Variants in ISM1 observed in about 807,000 individuals in gnomAD.
The protein encoded by ISM1 is isthmin-1.
In ISM1, 25 loss-of-function variants were observed where a neutral mutation model predicts 46.3. The ratio of observed to expected loss-of-function variants is 0.54; its 90% CI spans 0.39 to 0.75. The LOEUF (loss-of-function observed/expected upper bound fraction) is 0.75. ISM1 is among the 30% of genes least tolerant of loss of function. ISM1 has a pLI of 0.00. For missense variants in ISM1, 536 were observed against 625.4 expected, an observed-to-expected ratio of 0.86 and a Z score of 1.52; for synonymous variants, 255 against 256.7, an observed-to-expected ratio of 0.99 and a Z score of 0.06.
At chr20:13,276,102 G>T (rs530152168) in intron 2 of ISM1, among the ~76,000 whole-genome samples, 3 of 152,222 alleles carry the variant, frequency 2.0e-5, no homozygotes, top group Non-Finnish European at 4.4e-5. Flanking sequence ...GGAAGAAGGG[G>T]TAGAATAATC....
chr20:13,284,704 A>T (rs925107811), intron 3 of ISM1, among the ~76,000 whole-genome samples: 11 of 152,122 alleles, frequency 7.2e-5, no homozygotes, highest in African/African-American at 2.4e-5. Flanking sequence ...GCTTCAGGGG[A>T]GTGAGCTCAC....
At chr20:13,296,761 T>G (rs949528878) in intron 5 of ISM1, among the ~76,000 whole-genome samples, 1 of 152,184 alleles carries the variant, frequency 6.6e-6, no homozygotes, top group Admixed American at 6.5e-5. Context: ...GGCTTACACC[T>G]GTAATCCCAG....
chr20:13,307,694 G>A, the ISM1 span, among the ~76,000 whole-genome samples: 2 of 152,178 alleles, frequency 1.3e-5, no homozygotes, highest in Admixed American at 6.5e-5. Flanking sequence ...TACAGCACCC[G>A]CTCTGTGAGG....
intron 1 of ISM1, among the ~76,000 whole-genome samples, chr20:13,266,295 A>G (rs761310015): frequency 4.6e-5 from 7 of 152,222 alleles, no homozygotes; most frequent in Non-Finnish European, 7.3e-5. Flanking sequence ...AGAAGAGGAT[A>G]TTTTTATTAC....
At chr20:13,244,024 G>A (rs372195843) in intron 1 of ISM1, 2 of 152,196 alleles carry the variant, frequency 1.3e-5, no homozygotes, top group East Asian at 3.8e-4. Flanking sequence ...CTCCAGTGTA[G>A]GCACTGGTGA....
chr20:13,326,343 C>A, the ISM1 span, among the ~76,000 whole-genome samples: 2 of 151,998 alleles, frequency 1.3e-5, no homozygotes, highest in Non-Finnish European at 2.9e-5. Flanking sequence ...GGAGTGGGAC[C>A]GTTGGGTCAT....
At chr20:13,323,626 C>T in the ISM1 span, among the ~76,000 whole-genome samples, 1 of 152,190 alleles carries the variant, frequency 6.6e-6, no homozygotes, top group Non-Finnish European at 1.5e-5. Flanking sequence ...TACCATACGA[C>T]TATAATTCTC....
downstream of ISM1, among the ~76,000 whole-genome samples, chr20:13,301,816 G>C (rs1488672995): frequency 1.3e-5 from 2 of 152,048 alleles, no homozygotes; most frequent in Non-Finnish European, 2.9e-5. Flanking sequence ...AGCTCAACTG[G>C]GTGATCAGGA....
In ISM1 at chr20:13,223,162, AAAAATAAAAT is replaced by A. The variant is rs1275238008; in HGVS notation, c.138+1272_138+1281del. Among the ~76,000 whole-genome samples, 1,065 of 146,060 alleles carry A rather than the reference AAAAATAAAAT, an allele frequency of 7.3e-3. 10 individuals carry two copies. The highest frequency in any genetic ancestry group is 8.8e-3 in the Non-Finnish European group (589 of 66,980). The stretch of plus-strand genomic sequence containing the variant: ...ACAGAGCGAGACTCCGTCTCAAAAA[AAAAATAAAAT>A]AAAATAAAATAAAATAAAATAAATA... On this transcript the variant is annotated intron_variant, in intron 1 of 5. Transcript: ENST00000262487.
chr20:13,313,848 A>T, the ISM1 span, among the ~76,000 whole-genome samples: 1 of 152,320 alleles, frequency 6.6e-6, no homozygotes, highest in East Asian at 1.9e-4. Context: ...TTAAAACAAC[A>T]AGGATTAGGG....
chr20:13,258,439 T>C (rs2039951540), intron 1 of ISM1, among the ~76,000 whole-genome samples: 1 of 152,174 alleles, frequency 6.6e-6, no homozygotes, highest in Admixed American at 6.5e-5. Context: ...TTTGTCCAGA[T>C]ATGTTAAATT....
At chr20:13,300,897 C>A (rs2123343622), downstream of ISM1, among the ~76,000 whole-genome samples, 1 of 152,340 alleles carries the variant, frequency 6.6e-6, no homozygotes, top group East Asian at 1.9e-4. Flanking sequence ...GAAGCCAAAC[C>A]AGAGCAAAGG....
chr20:13,282,025 ACT>A lies in ISM1; in HGVS notation c.643+2130_643+2131del, dbSNP rs371771552. On this transcript the variant is annotated intron_variant, in intron 3 of 5. Transcript: ENST00000262487. ...TGACTCCAGACCTACTGAGTCAGAA[ACT>A]CTGGAGTGGGACCCAGAAATCCGTT... Among the ~76,000 whole-genome samples, 9 of 152,202 alleles carry A rather than the reference ACT, an allele frequency of 5.9e-5. 1 individual carries two copies. Among genetic ancestry groups the A allele is most frequent in the African/African-American group, 2.2e-4 (9 of 41,540 alleles).
intron 1 of ISM1, among the ~76,000 whole-genome samples, chr20:13,229,435 C>G (rs781035917): frequency 2.7e-4 from 41 of 152,072 alleles, no homozygotes; most frequent in Admixed American, 2.0e-3. Context: ...TTGCATTTTT[C>G]CATGTGCCTG....
intron 2 of ISM1, among the ~76,000 whole-genome samples, chr20:13,273,215 TTTTTA>T (rs60448833): frequency 3.7e-4 from 48 of 130,702 alleles, no homozygotes; most frequent in African/African-American, 6.3e-4. Flanking sequence ...ACTTGGGTCT[TTTTTA>T]TTTTATTTTA....
At chr20:13,311,209 A>AGATGGAT in the ISM1 span, among the ~76,000 whole-genome samples, 1 of 124,042 alleles carries the variant, frequency 8.1e-6, no homozygotes. Flanking sequence ...AAATAGATAT[A>AGATGGAT]GATAGATGAT....
intron 2 of ISM1, 121 bp from the exon 3 acceptor site, chr20:13,279,513 C>T: frequency 2.0e-6 from 2 of 979,492 alleles, no homozygotes; most frequent in Non-Finnish European, 3.0e-6. Context: ...GCAATCTCAG[C>T]TTTCCTTCAC....
chr20:13,309,921 T>C, the ISM1 span, among the ~76,000 whole-genome samples: 1 of 151,890 alleles, frequency 6.6e-6, no homozygotes, highest in Non-Finnish European at 1.5e-5. Flanking sequence ...GTATAAAACA[T>C]CAATGAAAGA....
chr20:13,255,190 G>T (rs913460316), intron 1 of ISM1, among the ~76,000 whole-genome samples: 1 of 152,238 alleles, frequency 6.6e-6, no homozygotes, highest in Non-Finnish European at 1.5e-5. Flanking sequence ...CTCTCTGGAG[G>T]TGACATTTAA....
Sources: allele counts gnomAD v4.1 joint callset (sites outside exome capture counted in the v4.1 genomes callset), GRCh38; gene constraint gnomAD v4.1.1; transcripts MANE v1.5; gene names NCBI Gene and HGNC (gene_info 2026-07-23, HGNC 2026-07-21).